The following WNT8B variants were observed in gnomAD, a reference collection of about 807,000 sequenced individuals.
WNT8B encodes protein Wnt-8b.
Under a neutral mutation model 36.6 loss-of-function variants are expected in WNT8B, and 24 were observed. That is an observed-to-expected ratio of 0.66 (90% confidence interval 0.48 to 0.92). The LOEUF (loss-of-function observed/expected upper bound fraction) is 0.92, where lower values mean the gene tolerates loss of function less well. Among genes scored for constraint, WNT8B ranks in the 40% least tolerant of loss-of-function variants. The pLI, the probability that WNT8B is intolerant of heterozygous loss-of-function variation, is 0.00. For missense variants in WNT8B, 402 were observed against 470.8 expected, an observed-to-expected ratio of 0.85 and a Z score of 1.35; for synonymous variants, 199 against 189.8, an observed-to-expected ratio of 1.05 and a Z score of -0.40.
intron 1 of WNT8B, among the ~76,000 whole-genome samples, chr10:100,472,345 G>A (rs541087343): frequency 1.3e-5 from 2 of 151,806 alleles, no homozygotes; most frequent in South Asian, 2.1e-4. Flanking sequence ...TGATCCGCCC[G>A]CCTCAGCCTC....
intron 1 of WNT8B, among the ~76,000 whole-genome samples, chr10:100,477,940 C>CTGTTTTTTTTTTTTTT (rs1169521181): frequency 3.4e-5 from 5 of 145,162 alleles, no homozygotes; most frequent in African/African-American, 1.4e-4. Context: ...CCATGCCTAG[C>CTGTTTTTTTTTTTTTT]TATTTTTTTT....
In WNT8B at chr10:100,482,224, C is replaced by T. The variant is rs776779916; in HGVS notation, c.511-47C>T. The T allele has an allele frequency of 6.5e-7, 1 of 1,541,482 alleles. No individual in the cohort carries two copies. The highest frequency in any genetic ancestry group is 1.4e-5 in the African/African-American group (1 of 73,772). ...CAACTCCCACAGGGGCAGTTAAACTCGCCACGCGCTTAATCCGGGGCCTCT... is the reference window on the plus strand; with the variant it reads ...CAACTCCCACAGGGGCAGTTAAACTTGCCACGCGCTTAATCCGGGGCCTCT... On this transcript the variant is annotated intron_variant, in intron 5 of 5. Transcript: ENST00000343737. This position sits in a 1 kb window ranked among gnomAD's most constrained non-coding sequence, Gnocchi z 6.6.
rs200171146 is a variant in WNT8B at position 100,481,115 on chromosome 10, G to T, written c.359G>T (p.Gly120Val). The T allele has an allele frequency of 9.7e-5, 157 of 1,613,968 alleles. No homozygotes were observed. The highest frequency in any genetic ancestry group is 1.1e-5 in the Non-Finnish European group (13 of 1,179,966). Residue 120 changes from glycine to valine, a missense_variant, in exon 4 of 6, where the codon GGG (glycine) becomes GTG (valine). By Grantham distance (109) the Gly-to-Val change is moderately radical. Coordinates refer to ENST00000343737, the MANE Select transcript of WNT8B (RefSeq NM_003393.4). The part of the protein sequence containing the change: ...DNCGCDDSRN[G>V]QLGGQGWLWG... Reference sequence around the variant, plus strand: ...TGTGGCTGTGATGACTCCCGCAACGGGCAACTGGGTGAGTAGTAATGTAGG... The same window carrying T: ...TGTGGCTGTGATGACTCCCGCAACGTGCAACTGGGTGAGTAGTAATGTAGG...
chr10:100,478,447 C>A (rs1167997503), intron 1 of WNT8B, among the ~76,000 whole-genome samples: 2 of 152,178 alleles, frequency 1.3e-5, no homozygotes, highest in African/African-American at 2.4e-5. Context: ...TTCTCTCCCC[C>A]ACTTCATGGC....
chr10:100,463,108 C>A lies in WNT8B; in HGVS notation c.-61C>A. 6.7e-7 allele frequency: 1 copy of A among 1,481,950 alleles called. No individual in the cohort carries two copies. Among genetic ancestry groups the A allele is most frequent in the Non-Finnish European group, 9.4e-7 (1 of 1,063,872 alleles). 91.8% of individuals were successfully genotyped at this position (1,481,950 alleles called of 1,614,324 possible). On this transcript the variant is annotated 5_prime_UTR_variant, in exon 1 of 6. Transcript: ENST00000343737. Reference sequence around the variant, plus strand: ...ACTGGCACTGAGGAGAATATTTCTCCGTCTTGCTTACCCATCTCCCAGTTT... The same window carrying A: ...ACTGGCACTGAGGAGAATATTTCTCAGTCTTGCTTACCCATCTCCCAGTTT...
intron 1 of WNT8B, among the ~76,000 whole-genome samples, chr10:100,470,184 T>C (rs565715514): frequency 6.6e-6 from 1 of 151,720 alleles, no homozygotes; most frequent in South Asian, 2.1e-4. Flanking sequence ...CAGGCTGGAG[T>C]GTACAATCTT....
chr10:100,463,355 T>C (rs1412595839), intron 1 of WNT8B, 119 bp downstream of exon 1: 2 of 957,210 alleles, frequency 2.1e-6, no homozygotes, highest in Non-Finnish European at 3.1e-6. Context: ...TAGGAAAAAC[T>C]GTTCTATGGG....
rs770784386 is a variant in WNT8B at position 100,480,013 on chromosome 10, G to C, written c.241+1G>C. On this transcript the variant is annotated splice_donor_variant, in intron 3 of 5. Coordinates refer to ENST00000343737, the MANE Select transcript of WNT8B (RefSeq NM_003393.4). LOFTEE classifies it high-confidence loss of function. ...TCCAGCCATGGTGGGCTTCGCAGTG[G>C]TAAGAAAAACCTCAGCCACAGCTCC... is the stretch of plus-strand genomic sequence containing the variant. The C allele has an allele frequency of 6.2e-7, 1 of 1,612,816 alleles. No individual in the cohort carries two copies. Among genetic ancestry groups the C allele is most frequent in the Non-Finnish European group, 8.5e-7 (1 of 1,179,774 alleles).
chr10:100,474,054 A>T (rs1019421484), intron 1 of WNT8B, among the ~76,000 whole-genome samples: 3 of 152,232 alleles, frequency 2.0e-5, no homozygotes, highest in African/African-American at 7.2e-5. Context: ...TCAGGAGTTC[A>T]GTTTTGGACA....
rs772852770 is a variant in WNT8B, at chr10:100,479,867, C to T, written c.103-7C>T. 33 of 1,613,664 alleles carry T rather than the reference C, an allele frequency of 2.0e-5. No individual in the cohort carries two copies. The South Asian group carries it at 3.6e-4, about 18-fold the overall frequency. ...CAGTCTGAATTTTTACCCCTATGTC[C>T]CTACAGGCTTACCTGATTTACTCCA... is the stretch of plus-strand genomic sequence containing the variant. On this transcript the variant is annotated splice_region_variant and splice_polypyrimidine_tract_variant and intron_variant, in intron 2 of 5. Coordinates refer to ENST00000343737, the MANE Select transcript of WNT8B (RefSeq NM_003393.4).
intron 4 of WNT8B, 118 bp downstream of exon 4, chr10:100,481,241 G>A: frequency 1.4e-6 from 2 of 1,396,544 alleles, no homozygotes; most frequent in South Asian, 1.5e-5. Context: ...TCATGCGGAA[G>A]ATGGGTGAAC....
chr10:100,478,386 G>GTAAAATACC (rs1851066117), intron 1 of WNT8B, among the ~76,000 whole-genome samples: 1 of 152,242 alleles, frequency 6.6e-6, no homozygotes, highest in Admixed American at 6.5e-5. Flanking sequence ...AGATCAACAT[G>GTAAAATACC]TAAAATACCG....
chr10:100,476,027 C>T lies in WNT8B; in HGVS notation c.69-3025C>T, dbSNP rs185276775. 3.3e-5 allele frequency among the ~76,000 whole-genome samples: 5 copies of T among 152,110 alleles called. No homozygotes were observed. In the South Asian group the frequency reaches 6.2e-4, roughly 19 times the overall value. The stretch of plus-strand genomic sequence containing the variant: ...GCCTTGGTGGCTGGGCGCGGTGGCT[C>T]ACGCCTGTAATCCCAGCACTTTGGG... On this transcript the variant is annotated intron_variant, in intron 1 of 5. Coordinates refer to ENST00000343737, the MANE Select transcript of WNT8B (RefSeq NM_003393.4).
At chr10:100,466,851 T>C (rs1438257743) in intron 1 of WNT8B, among the ~76,000 whole-genome samples, 1 of 152,112 alleles carries the variant, frequency 6.6e-6, no homozygotes, top group African/African-American at 2.4e-5. Context: ...ATAAAATTCC[T>C]TTTTTTCTGG....
intron 1 of WNT8B, among the ~76,000 whole-genome samples, chr10:100,465,708 C>A (rs1850900870): frequency 6.6e-6 from 1 of 152,178 alleles, no homozygotes; most frequent in Admixed American, 6.6e-5. Flanking sequence ...GGGTCCATTT[C>A]TCTTCTGCAG....
chr10:100,467,415 A>G (rs1029497589), intron 1 of WNT8B, among the ~76,000 whole-genome samples: 3 of 152,180 alleles, frequency 2.0e-5, no homozygotes, highest in Non-Finnish European at 4.4e-5. Context: ...ACCCTATAAG[A>G]GGGCTAATAG....
At chr10:100,472,087 G>A (rs977631381) in intron 1 of WNT8B, among the ~76,000 whole-genome samples, 16 of 151,218 alleles carry the variant, frequency 1.1e-4, no homozygotes, top group African/African-American at 3.9e-4. Flanking sequence ...CCAGCTACTC[G>A]GGAGGCTGAG....
In WNT8B at chr10:100,479,964, T is replaced by C; in HGVS notation, c.193T>C (p.Cys65Arg). ...KYQFAWDRWN[C>R]PERALQLSSH... is the part of the protein sequence containing the mutation. ...TCAGTTTGCCTGGGACCGCTGGAAC[T>C]GCCCTGAGAGAGCCCTGCAGCTGTC... The change falls in exon 3 of 6, where the codon TGC becomes CGC. Residue 65 changes from cysteine (C) to arginine (R), a missense_variant. Coordinates refer to ENST00000343737, the MANE Select transcript of WNT8B (RefSeq NM_003393.4). 1 of 1,613,944 alleles carries C rather than the reference T, an allele frequency of 6.2e-7. No homozygotes were observed. Among genetic ancestry groups the C allele is most frequent in the Middle Eastern group, 1.7e-4 (1 of 6,016 alleles).
chr10:100,474,374 C>T (rs944746228), intron 1 of WNT8B, among the ~76,000 whole-genome samples: 11 of 152,188 alleles, frequency 7.2e-5, no homozygotes, highest in Admixed American at 5.9e-4. Context: ...ATCTTTCCTT[C>T]AATCACATAA....
Sources: allele counts gnomAD v4.1 joint callset (sites outside exome capture counted in the v4.1 genomes callset), GRCh38; gene constraint gnomAD v4.1.1; non-coding constraint Gnocchi (gnomAD v3.1); transcripts MANE v1.5; gene names NCBI Gene and HGNC (gene_info 2026-07-23, HGNC 2026-07-21).